The following ABCC12 variants were observed in gnomAD, a reference collection of about 807,000 sequenced individuals.
ABCC12 encodes the protein ATP-binding cassette sub-family C member 12.
ABCC12 carries 142 observed loss-of-function variants against 151.1 expected under a neutral mutation model. The ratio of observed to expected loss-of-function variants is 0.94; its 90% CI spans 0.82 to 1.08. The LOEUF (loss-of-function observed/expected upper bound fraction) is 1.08, where lower values mean the gene tolerates loss of function less well. Among genes scored for constraint, ABCC12 ranks in the 50% least tolerant of loss-of-function variants. The pLI, the probability that ABCC12 is intolerant of heterozygous loss-of-function variation, is 0.00. For synonymous variants in ABCC12, 645 were observed against 646.4 expected (o/e 1.00, Z 0.03); for missense variants, 1,638 against 1,691.1 (o/e 0.97, Z 0.55).
At position 48,085,634 on chromosome 16, in the gene ABCC12, G is replaced by A. The variant is rs753295387; in HGVS notation, c.3787C>T (p.Gln1263Ter). The A allele has an allele frequency of 6.8e-6, 11 of 1,614,028 alleles. No individual in the cohort carries two copies. The highest frequency in any genetic ancestry group is 8.5e-7 in the Non-Finnish European group (1 of 1,180,038). Reference protein sequence around the residue: ...NGENFSVGERQLLCVARALLR... With the variant: ...NGENFSVGER ...AGAGCTCGGGCCACACAAAGCAGCT[G>A]ACGTTCCCCTACTGAGAAGTTTTCT... is the stretch of plus-strand genomic sequence containing the variant. Residue 1263 changes from glutamine to a stop codon, truncating the protein, a stop_gained, in exon 29 of 31, where the codon CAG (glutamine) becomes TAG (stop). Coordinates refer to ENST00000311303, the MANE Select transcript of ABCC12 (RefSeq NM_001393797.1). LOFTEE classifies it high-confidence loss of function.
intron 19 of ABCC12, 86 bp downstream of exon 19, chr16:48,108,350 TAAAG>T (rs1323349110): frequency 2.2e-5 from 27 of 1,232,576 alleles, no homozygotes; most frequent in Admixed American, 1.0e-4. Flanking sequence ...GAATAATTGT[TAAAG>T]AAATCATAAA....
chr16:48,114,613 T>TGAACACACACGTGCACACAC (rs2150623365), intron 15 of ABCC12, among the ~76,000 whole-genome samples: 1 of 152,216 alleles, frequency 6.6e-6, no homozygotes, highest in South Asian at 2.1e-4. Context: ...CGTGCACGCA[T>TGAACACACACGTGCACACAC]GAACACACAC....
In ABCC12 at chr16:48,139,341, A is replaced by G; in HGVS notation, c.658-5T>C. 6.3e-7 allele frequency: 1 copy of G among 1,596,694 alleles called. No individual in the cohort carries two copies. Among genetic ancestry groups the G allele is most frequent in the Non-Finnish European group, 8.5e-7 (1 of 1,174,846 alleles). On this transcript the variant is annotated splice_polypyrimidine_tract_variant and splice_region_variant and intron_variant, in intron 6 of 30. Transcript: ENST00000311303. ...ACTTGACAGTATATTGAGCACCTGG[A>G]AAGAAAAGCGCAAAGGTTCAGGCTT... is the stretch of plus-strand genomic sequence containing the variant.
chr16:48,086,909 G>T, intron 27 of ABCC12, 90 bp from the exon 28 acceptor site: 2 of 1,098,290 alleles, frequency 1.8e-6, no homozygotes, highest in Non-Finnish European at 2.8e-6. Flanking sequence ...ATGTGGAGGA[G>T]GGTAGGAGGT....
chr16:48,142,931 C>T (rs1020548935), intron 4 of ABCC12, among the ~76,000 whole-genome samples: 2 of 152,144 alleles, frequency 1.3e-5, no homozygotes, highest in African/African-American at 4.8e-5. Flanking sequence ...GACAGAGCCA[C>T]AGTGAGATTT....
rs78809174 is a variant in ABCC12, at chr16:48,109,900, G to A, written c.2282-1371C>T. ...GCAGTGTTGTCTTTAACCAGTTCAC[G>A]AGTCTTCCCTTCCTCCAGCTTTCAC... On this transcript the variant is annotated intron_variant, in intron 18 of 30. Coordinates refer to ENST00000311303, the MANE Select transcript of ABCC12 (RefSeq NM_001393797.1). Among the ~76,000 whole-genome samples the A allele has an allele frequency of 4.1e-4, 63 of 152,302 alleles. No homozygotes were observed. In the East Asian group the frequency reaches 0.011, roughly 26 times the overall value.
chr16:48,085,799 C>A, intron 28 of ABCC12, 93 bp from the exon 29 acceptor site: 1 of 1,021,754 alleles, frequency 9.8e-7, no homozygotes. Flanking sequence ...TTGCATTCAT[C>A]AGCTTGCTTT....
In ABCC12 at chr16:48,086,757, G is replaced by A. The variant is rs1962622855; in HGVS notation, c.3698C>T (p.Thr1233Ile). 1.9e-6 allele frequency: 3 copies of A among 1,613,664 alleles called. No homozygotes were observed. The highest frequency in any genetic ancestry group is 2.5e-6 in the Non-Finnish European group (3 of 1,179,654). The change falls in exon 28 of 31, where the codon ACA (threonine) becomes ATA (isoleucine). Residue 1233 changes from threonine (T) to isoleucine (I), a missense_variant. Transcript: ENST00000311303. The part of the protein sequence containing the change: ...DEMLWQVLER[T>I]FMRDTIMKLP... The stretch of plus-strand genomic sequence containing the variant: ...GAGACCTACTGTGTCTCTCATGAAT[G>A]TTCTCTCCAGAACCTGCCAGAGCAT...
At chr16:48,142,262 A>G (rs943847088) in intron 4 of ABCC12, among the ~76,000 whole-genome samples, 4 of 152,186 alleles carry the variant, frequency 2.6e-5, no homozygotes, top group Non-Finnish European at 4.4e-5. Context: ...TAGCCATCCC[A>G]TTGGATGCTG....
At chr16:48,120,957 GA>G (rs781618416) in intron 13 of ABCC12, among the ~76,000 whole-genome samples, 11 of 152,116 alleles carry the variant, frequency 7.2e-5, no homozygotes, top group Non-Finnish European at 1.6e-4. Context: ...TTTTCGTGTT[GA>G]AAACATTTAC....
Position 48,128,644 on chromosome 16 carries a change from C to A in ABCC12, c.1330G>T (p.Glu444Ter). 23 of 1,614,194 alleles carry A rather than the reference C, an allele frequency of 1.4e-5. No individual in the cohort carries two copies. The highest frequency in any genetic ancestry group is 1.9e-5 in the Non-Finnish European group (23 of 1,180,028). Residue 444 changes from glutamate to a stop codon, truncating the protein, a stop_gained, in exon 11 of 31, where the codon GAG becomes TAG. Transcript: ENST00000311303. LOFTEE classifies it high-confidence loss of function. ...GTACTTTTCCTGCTGGCTTCATGCT[C>A]CCATGTCAAGGTGGCATTTGCTAAA... ...LLLANATLTW[E>*]HEASRKSTPK...
In ABCC12 at chr16:48,083,154, A is replaced by G. The variant is rs1962416422; in HGVS notation, c.*561T>C. The G allele has an allele frequency of 6.6e-6, 1 of 152,300 alleles. No individual in the cohort carries two copies. Among genetic ancestry groups the G allele is most frequent in the Non-Finnish European group, 1.5e-5 (1 of 68,088 alleles). The allele number at this position is 152,300 out of a possible 1,614,324, so 9.4% of individuals were successfully genotyped here. On this transcript the variant is annotated 3_prime_UTR_variant, in exon 31 of 31. Transcript: ENST00000311303. ...TTTTCTTGGTTATTCTAACAGATCA[A>G]TTGAAACATATAATATGATTTTTAA... is the stretch of plus-strand genomic sequence containing the variant.
At chr16:48,108,700 C>A (rs1288889605) in intron 18 of ABCC12, among the ~76,000 whole-genome samples, 171 bp from the exon 19 acceptor site, 1 of 152,212 alleles carries the variant, frequency 6.6e-6, no homozygotes, top group African/African-American at 2.4e-5. Context: ...TCATTTTGTG[C>A]TACTCGGTCT....
At chr16:48,150,801 T>C (rs966913750) in intron 2 of ABCC12, among the ~76,000 whole-genome samples, 15 of 152,280 alleles carry the variant, frequency 9.9e-5, no homozygotes, top group African/African-American at 3.6e-4. Flanking sequence ...TCTATAAATA[T>C]TTCTATATGT....
chr16:48,088,179 C>T, intron 26 of ABCC12, 94 bp from the exon 27 acceptor site: 1 of 1,370,414 alleles, frequency 7.3e-7, no homozygotes, highest in Non-Finnish European at 1.0e-6. Context: ...TAATGCAATG[C>T]AAATGTCTCC....
chr16:48,094,446 T>C (rs913967509), intron 24 of ABCC12, among the ~76,000 whole-genome samples: 1 of 152,128 alleles, frequency 6.6e-6, no homozygotes, highest in African/African-American at 2.4e-5. Context: ...AAGCAGAGCA[T>C]GCTAGAGTTT....
At chr16:48,135,191 G>T (rs1366633076) in intron 8 of ABCC12, among the ~76,000 whole-genome samples, 3 of 152,082 alleles carry the variant, frequency 2.0e-5, no homozygotes, top group Admixed American at 6.5e-5. Flanking sequence ...CAAGCCACTG[G>T]GGAGGCCAGG....
intron 24 of ABCC12, among the ~76,000 whole-genome samples, chr16:48,095,973 T>C (rs1309185232): frequency 6.6e-6 from 1 of 152,204 alleles, no homozygotes; most frequent in Non-Finnish European, 1.5e-5. Flanking sequence ...GGCCCTCACA[T>C]GTGACAGCTG....
At chr16:48,104,837 G>C (rs765171573) in intron 21 of ABCC12, among the ~76,000 whole-genome samples, 1 of 152,246 alleles carries the variant, frequency 6.6e-6, no homozygotes, top group Non-Finnish European at 1.5e-5. Context: ...TGAGGGCCGT[G>C]TCGCACTCAG....
Sources: allele counts gnomAD v4.1 joint callset (sites outside exome capture counted in the v4.1 genomes callset), GRCh38; gene constraint gnomAD v4.1.1; transcripts MANE v1.5; gene names NCBI Gene and HGNC (gene_info 2026-07-23, HGNC 2026-07-21).